Variants in SAMD4A observed in about 807,000 individuals in gnomAD.
SAMD4A encodes protein Smaug homolog 1.
In SAMD4A, 33 loss-of-function variants were observed where a neutral mutation model predicts 81.3. That is an observed-to-expected ratio of 0.41 (90% CI 0.31 to 0.54). The LOEUF (loss-of-function observed/expected upper bound fraction) is 0.54, where lower values mean the gene tolerates loss of function less well. Ranked by LOEUF, SAMD4A falls within the 20% of genes least tolerant of loss-of-function variation. The pLI is 0.37. For missense variants in SAMD4A, 854 were observed against 951.1 expected (o/e 0.90, Z 1.34); for synonymous variants, 389 against 382.1 (o/e 1.02, Z -0.21).
chr14:54,614,661 A>G (rs183088019), intron 2 of SAMD4A, among the ~76,000 whole-genome samples: 2 of 152,214 alleles, frequency 1.3e-5, no homozygotes, highest in Admixed American at 6.5e-5. Context: ...CAGGTTGCCT[A>G]TAATAGTTTA....
chr14:54,596,383 G>A (rs1323325681), intron 2 of SAMD4A, among the ~76,000 whole-genome samples: 3 of 152,050 alleles, frequency 2.0e-5, no homozygotes, highest in East Asian at 1.9e-4. Flanking sequence ...TCAGGAGTTC[G>A]AGACCAGCCT....
At chr14:54,626,121 T>G (rs1353379063) in intron 2 of SAMD4A, among the ~76,000 whole-genome samples, 2 of 150,720 alleles carry the variant, frequency 1.3e-5, no homozygotes, top group Non-Finnish European at 3.0e-5. Flanking sequence ...AGACATCTTG[T>G]TTTTTTTTAG....
At chr14:54,767,071 A>T (rs952442869) in intron 8 of SAMD4A, among the ~76,000 whole-genome samples, 1 of 152,082 alleles carries the variant, frequency 6.6e-6, no homozygotes, top group African/African-American at 2.4e-5. Flanking sequence ...TCATGTCAGG[A>T]TGGAGGGGCC....
intron 2 of SAMD4A, among the ~76,000 whole-genome samples, chr14:54,636,031 A>C (rs769190269): frequency 1.3e-5 from 2 of 152,250 alleles, no homozygotes; most frequent in Non-Finnish European, 2.9e-5. Flanking sequence ...TACGTAGCGT[A>C]AGGTAAGTAA....
At chr14:54,692,520 A>G (rs17127777) in intron 2 of SAMD4A, among the ~76,000 whole-genome samples, 3,406 of 152,304 alleles carry the variant, frequency 0.022, 124 homozygotes, top group African/African-American at 0.078. Context: ...AACAGGGGCT[A>G]AATCTAAGTG....
At chr14:54,778,683 G>A (rs895204591) in intron 11 of SAMD4A, among the ~76,000 whole-genome samples, 1 of 152,074 alleles carries the variant, frequency 6.6e-6, no homozygotes, top group Non-Finnish European at 1.5e-5. Context: ...ATCCTCACAT[G>A]GCATTTTTAA....
chr14:54,757,456 C>T (rs2038277172), intron 6 of SAMD4A, among the ~76,000 whole-genome samples: 1 of 144,416 alleles, frequency 6.9e-6, no homozygotes. Context: ...GGTGTGGTTG[C>T]CTCCAATAGA....
At chr14:54,638,446 G>C (rs2035089203) in intron 2 of SAMD4A, among the ~76,000 whole-genome samples, 1 of 152,152 alleles carries the variant, frequency 6.6e-6, no homozygotes. Context: ...GGTGAATAGT[G>C]ATGGATATAG....
chr14:54,593,427 G>A (rs1206692055), intron 2 of SAMD4A, among the ~76,000 whole-genome samples: 1 of 152,026 alleles, frequency 6.6e-6, no homozygotes, highest in African/African-American at 2.4e-5. Flanking sequence ...AGCCAGAATG[G>A]GTCTCAGTGA....
intron 3 of SAMD4A, among the ~76,000 whole-genome samples, chr14:54,704,618 A>G (rs1332608228): frequency 1.3e-5 from 2 of 152,120 alleles, no homozygotes; most frequent in African/African-American, 2.4e-5. Context: ...CTGAACCCCT[A>G]TGTAATACTT....
rs549155043 is a variant in SAMD4A, at chr14:54,655,919, A to G, written c.197-46143A>G. On this transcript the variant is annotated intron_variant, in intron 2 of 12. Coordinates refer to ENST00000554335, the MANE Select transcript of SAMD4A (RefSeq NM_015589.6). ...CCTCATAGGTTTGTTTTGGTGAGGA[A>G]CAACTTAAGTTTTGGTGAGGAACAA... 2.2e-4 allele frequency among the ~76,000 whole-genome samples: 34 copies of G among 152,268 alleles called. No individual in the cohort carries two copies. The South Asian group carries it at 2.3e-3, about 10-fold the overall frequency.
intron 2 of SAMD4A, among the ~76,000 whole-genome samples, chr14:54,607,379 G>A (rs530750556): frequency 6.6e-6 from 1 of 152,210 alleles, no homozygotes; most frequent in South Asian, 2.1e-4. Context: ...GGATGGAAAG[G>A]GAGTCAAAAA....
chr14:54,735,877 A>C (rs902751994), intron 3 of SAMD4A, among the ~76,000 whole-genome samples: 3 of 152,242 alleles, frequency 2.0e-5, no homozygotes, highest in Non-Finnish European at 4.4e-5. Context: ...AGAAGTGCTC[A>C]TCTAAATTTG....
chr14:54,777,119 C>A (rs1489586417), intron 11 of SAMD4A, among the ~76,000 whole-genome samples: 4 of 152,120 alleles, frequency 2.6e-5, no homozygotes, highest in African/African-American at 9.7e-5. Context: ...TCTATGCAGG[C>A]AGTGATCTTG....
At chr14:54,647,785 A>G (rs1303690927) in intron 2 of SAMD4A, among the ~76,000 whole-genome samples, 1 of 152,206 alleles carries the variant, frequency 6.6e-6, no homozygotes, top group Non-Finnish European at 1.5e-5. Flanking sequence ...CTGATTGGGT[A>G]TGGAATTTAC....
chr14:54,626,868 T>C (rs1566555086), intron 2 of SAMD4A, among the ~76,000 whole-genome samples: 1 of 152,206 alleles, frequency 6.6e-6, no homozygotes, highest in Non-Finnish European at 1.5e-5. Context: ...GGCATTATTA[T>C]ACCCATTTTA....
At chr14:54,759,709 A>G (rs2038339957) in intron 6 of SAMD4A, among the ~76,000 whole-genome samples, 1 of 152,068 alleles carries the variant, frequency 6.6e-6, no homozygotes, top group Non-Finnish European at 1.5e-5. Context: ...CTTAATCGCT[A>G]CCCTGTGCTG....
In SAMD4A at chr14:54,641,746, T is replaced by C. The variant is rs368956761; in HGVS notation, c.197-60316T>C. On this transcript the variant is annotated intron_variant, in intron 2 of 12. Transcript: ENST00000554335. ...GAACAATTTTTCTGTGGAGAATCAG[T>C]GACCTTTAATTTTCTACACAGGCTT... 8.5e-5 allele frequency among the ~76,000 whole-genome samples: 13 copies of C among 152,318 alleles called. No individual in the cohort carries two copies. The South Asian group carries it at 2.7e-3, about 32-fold the overall frequency.
intron 6 of SAMD4A, among the ~76,000 whole-genome samples, chr14:54,756,904 C>G (rs1247304852): frequency 2.6e-5 from 4 of 152,238 alleles, no homozygotes; most frequent in African/African-American, 9.6e-5. Flanking sequence ...GTGGACCAGA[C>G]TTCCCACTGT....
Sources: allele counts gnomAD v4.1 joint callset (sites outside exome capture counted in the v4.1 genomes callset), GRCh38; gene constraint gnomAD v4.1.1; transcripts MANE v1.5; gene names NCBI Gene and HGNC (gene_info 2026-07-23, HGNC 2026-07-21).